The following CFAP299 variants were observed in gnomAD, a reference collection of about 807,000 sequenced individuals.
CFAP299 encodes the protein cilia and flagella associated protein 299.
A neutral mutation model predicts 27.0 loss-of-function variants in CFAP299; 21 were observed. The observed-to-expected ratio is 0.78, with a 90% CI of 0.55 to 1.12. The LOEUF (loss-of-function observed/expected upper bound fraction) is 1.12, where lower values mean the gene tolerates loss of function less well. Ranked by LOEUF, CFAP299 falls within the 50% of genes most tolerant of loss-of-function variation. The probability of loss-of-function intolerance (pLI) is 0.00; values close to 1 mark genes in which losing one functional copy is unlikely to be tolerated. For missense variants in CFAP299, 310 were observed against 276.6 expected (o/e 1.12, Z -0.86); for synonymous variants, 104 against 98.1 (o/e 1.06, Z -0.36).
chr4:80,787,133 C>T (rs551564587), intron 3 of CFAP299, among the ~76,000 whole-genome samples: 1 of 150,912 alleles, frequency 6.6e-6, no homozygotes, highest in South Asian at 2.1e-4. Context: ...TGATCCTTGA[C>T]CTTGGTACTC....
chr4:80,921,020 T>C (rs1736016178), intron 4 of CFAP299, among the ~76,000 whole-genome samples: 1 of 152,090 alleles, frequency 6.6e-6, no homozygotes, highest in African/African-American at 2.4e-5. Context: ...GTTTGTTGCC[T>C]TCTAGTCTAA....
chr4:80,322,881 T>G, the CFAP299 span, among the ~76,000 whole-genome samples: 1 of 152,272 alleles, frequency 6.6e-6, no homozygotes, highest in East Asian at 1.9e-4. Flanking sequence ...GCAGGGCACC[T>G]TTGGCAGACA....
intron 4 of CFAP299, among the ~76,000 whole-genome samples, chr4:80,898,736 A>G (rs1329832919): frequency 1.3e-5 from 2 of 152,152 alleles, no homozygotes; most frequent in African/African-American, 4.8e-5. Context: ...CATACCATAA[A>G]GGAATTTGAG....
intron 3 of CFAP299, among the ~76,000 whole-genome samples, chr4:80,750,863 G>A (rs186491256): frequency 6.6e-6 from 1 of 152,264 alleles, no homozygotes; most frequent in East Asian, 1.9e-4. Context: ...ACAGAGACCT[G>A]AGAAATGAGA....
intron 3 of CFAP299, among the ~76,000 whole-genome samples, chr4:80,829,898 A>G (rs1015599657): frequency 1.3e-5 from 2 of 152,066 alleles, no homozygotes; most frequent in African/African-American, 4.8e-5. Context: ...CAGAAAGTAG[A>G]GTGGTGGCTA....
chr4:80,398,675 A>T (rs1418579032), intron 2 of CFAP299, among the ~76,000 whole-genome samples: 2 of 152,252 alleles, frequency 1.3e-5, no homozygotes, highest in African/African-American at 4.8e-5. Flanking sequence ...CTTACACCTT[A>T]TACTAAAATT....
intron 3 of CFAP299, among the ~76,000 whole-genome samples, chr4:80,684,353 TC>T (rs1340516367): frequency 1.3e-5 from 2 of 152,002 alleles, no homozygotes; most frequent in African/African-American, 4.8e-5. Flanking sequence ...AAGCTCCGCC[TC>T]CCAGGTTCAC....
chr4:80,843,247 C>A (rs1730964242), intron 3 of CFAP299, among the ~76,000 whole-genome samples: 1 of 152,004 alleles, frequency 6.6e-6, no homozygotes, highest in Admixed American at 6.6e-5. Context: ...CACCCCACAA[C>A]AGGCCCCAGT....
At chr4:80,455,821 A>G (rs919288695) in intron 2 of CFAP299, among the ~76,000 whole-genome samples, 1 of 152,218 alleles carries the variant, frequency 6.6e-6, no homozygotes, top group Admixed American at 6.5e-5. Flanking sequence ...TTCATTATCT[A>G]GTGTTGATTG....
intron 2 of CFAP299, among the ~76,000 whole-genome samples, chr4:80,445,367 C>T (rs967652127): frequency 6.6e-6 from 1 of 152,154 alleles, no homozygotes; most frequent in Non-Finnish European, 1.5e-5. Context: ...AGTTCATGTC[C>T]TTTGCAGGGA....
At chr4:80,476,962 T>C (rs113171146) in intron 2 of CFAP299, among the ~76,000 whole-genome samples, 32,765 of 135,940 alleles carry the variant, frequency 0.24, 3,631 homozygotes, top group Middle Eastern at 0.32. Context: ...TGCGCATGCG[T>C]GTGTGTGTGT....
intron 2 of CFAP299, among the ~76,000 whole-genome samples, chr4:80,531,462 A>G (rs867341155): frequency 2.6e-5 from 4 of 152,232 alleles, no homozygotes; most frequent in Middle Eastern, 3.2e-3. Context: ...ATTTCACTCC[A>G]GGGAACTAGG....
intron 3 of CFAP299, among the ~76,000 whole-genome samples, chr4:80,690,192 T>C (rs1402428986): frequency 2.0e-5 from 3 of 150,856 alleles, no homozygotes; most frequent in Admixed American, 6.6e-5. Flanking sequence ...ACCAAGCAGA[T>C]CTAATAGACA....
chr4:80,356,872 G>A (rs578038888), intron 1 of CFAP299, among the ~76,000 whole-genome samples: 2 of 152,082 alleles, frequency 1.3e-5, no homozygotes, highest in Non-Finnish European at 2.9e-5. Context: ...CCAATGCTAT[G>A]TTAAATAGGA....
intron 3 of CFAP299, among the ~76,000 whole-genome samples, chr4:80,654,867 T>C (rs189697635): frequency 6.6e-6 from 1 of 151,420 alleles, no homozygotes; most frequent in African/African-American, 2.4e-5. Context: ...CCTCTTGCCT[T>C]GGCCACCCAA....
chr4:80,713,594 G>A lies in CFAP299; in HGVS notation c.333+130411G>A, dbSNP rs376582070. On this transcript the variant is annotated intron_variant, in intron 3 of 5. Transcript: ENST00000358105. ...TATTACAGGCCAGGCATTCTGCCAA[G>A]CACTTTACATGCTCGAGTGCAACCC... is the stretch of plus-strand genomic sequence containing the variant. Among the ~76,000 whole-genome samples, 5 of 152,312 alleles carry A rather than the reference G, an allele frequency of 3.3e-5. No individual in the cohort carries two copies. The East Asian group carries it at 5.8e-4, about 18-fold the overall frequency.
At chr4:80,805,931 G>A (rs1257958139) in intron 3 of CFAP299, among the ~76,000 whole-genome samples, 1 of 151,930 alleles carries the variant, frequency 6.6e-6, no homozygotes, top group Non-Finnish European at 1.5e-5. Context: ...TTAAAACAAT[G>A]AAGAAAGAAT....
intron 4 of CFAP299, among the ~76,000 whole-genome samples, chr4:80,930,078 C>G (rs1253558462): frequency 2.6e-5 from 4 of 152,138 alleles, no homozygotes; most frequent in African/African-American, 4.8e-5. Context: ...TCAGTCCCAT[C>G]CCCGCCCCTT....
At chr4:80,929,493 T>C (rs1380408291) in intron 4 of CFAP299, among the ~76,000 whole-genome samples, 2 of 152,140 alleles carry the variant, frequency 1.3e-5, no homozygotes, top group Non-Finnish European at 2.9e-5. Flanking sequence ...ACCCATCCAG[T>C]CTCTGAAGCT....
Sources: gnomAD v4.1 joint callset for allele counts (sites outside exome capture counted in the v4.1 genomes callset) on GRCh38, gnomAD v4.1.1 for gene constraint, MANE v1.5 for transcripts, NCBI Gene and HGNC (gene_info 2026-07-23, HGNC 2026-07-21) for gene names.